CPAMD8: variants seen among roughly 807,000 people sequenced by gnomAD.
CPAMD8 encodes the protein C3 and PZP-like alpha-2-macroglobulin domain-containing protein 8.
CPAMD8 carries 146 observed loss-of-function variants against 224.7 expected under a neutral mutation model. The observed-to-expected ratio is 0.65, with a 90% CI of 0.57 to 0.75. CPAMD8 has a LOEUF of 0.75. CPAMD8 is among the 30% of genes least tolerant of loss of function. The probability of loss-of-function intolerance (pLI) is 0.00; values close to 1 mark genes in which losing one functional copy is unlikely to be tolerated. For synonymous variants in CPAMD8, 966 were observed against 1,044.6 expected (o/e 0.92, Z 1.45); for missense variants, 2,301 against 2,537.5 (o/e 0.91, Z 2.00).
intron 13 of CPAMD8, 42 bp downstream of exon 13, chr19:16,989,601 G>C (rs1430437746): frequency 1.9e-6 from 3 of 1,589,586 alleles, no homozygotes; most frequent in African/African-American, 1.4e-5. Context: ...CTGCTTTTTG[G>C]ATCCCGCATG....
intron 21 of CPAMD8, among the ~76,000 whole-genome samples, chr19:16,946,250 A>G (rs2054077363): frequency 6.7e-6 from 1 of 148,662 alleles, no homozygotes; most frequent in South Asian, 2.2e-4. Flanking sequence ...ATGCATGTCT[A>G]CACATGTGGG....
chr19:16,914,434 G>A lies in CPAMD8; in HGVS notation c.3851C>T (p.Thr1284Ile). 5 of 1,614,136 alleles carry A rather than the reference G, an allele frequency of 3.1e-6. No individual in the cohort carries two copies. Among genetic ancestry groups the A allele is most frequent in the Non-Finnish European group, 4.2e-6 (5 of 1,179,960 alleles). The change falls in exon 29 of 42, where the codon ACA becomes ATA. Residue 1284 changes from threonine (T) to isoleucine (I), a missense_variant. Transcript: ENST00000443236. ...YVVVALLETG[T>I]ASEEERGSTD... The stretch of plus-strand genomic sequence containing the variant: ...CCCTTCTGTACTCACCTCTGAGGCT[G>A]TGCCTGTTTCCAGGAGAGCAACCAC...
chr19:16,967,600 A>T (rs1411839048), intron 18 of CPAMD8, among the ~76,000 whole-genome samples: 6 of 151,850 alleles, frequency 4.0e-5, no homozygotes, highest in Admixed American at 3.9e-4. Context: ...AGGTCAGGAG[A>T]TGGAGACCAT....
In CPAMD8 at chr19:16,952,061, A is replaced by C. The variant is rs768357163; in HGVS notation, c.2416T>G (p.Phe806Val). Residue 806 changes from phenylalanine to valine, a missense_variant, in exon 20 of 42, where the codon TTC (phenylalanine) becomes GTC (valine). By Grantham distance (50) the Phe-to-Val change is conservative. This residue lies in a region of CPAMD8 where 1,709 missense variants were observed against 1,753.2 expected (regional missense o/e 0.97). Coordinates refer to ENST00000443236, the MANE Select transcript of CPAMD8 (RefSeq NM_015692.5). ...PSLLKTFKPF[F>V]VDFMLPALII... ...AGAGCGGGGAGCATGAAGTCCACGA[A>C]GAAGGGCTTGAAGGTCTTCAGCAGG... The C allele has an allele frequency of 1.3e-6, 2 of 1,573,738 alleles. No individual in the cohort carries two copies. Among genetic ancestry groups the C allele is most frequent in the Non-Finnish European group, 1.7e-6 (2 of 1,157,874 alleles).
Position 16,896,343 on chromosome 19 carries a change from C to T in CPAMD8, c.5276-17G>A. ...GCCGCTGCTCTGGAAGGAAGGGGGC[C>T]TCGGTCGGGAGGGCGTGGCGGGGAG... is the stretch of plus-strand genomic sequence containing the variant. On this transcript the variant is annotated splice_polypyrimidine_tract_variant and intron_variant, in intron 40 of 41. Coordinates refer to ENST00000443236, the MANE Select transcript of CPAMD8 (RefSeq NM_015692.5). The T allele has an allele frequency of 6.3e-7, 1 of 1,590,768 alleles. No individual in the cohort carries two copies. The highest frequency in any genetic ancestry group is 8.6e-7 in the Non-Finnish European group (1 of 1,168,120).
Position 16,921,919 on chromosome 19 carries a change from T to C in CPAMD8, c.3615A>G (p.Ala1205=), listed in dbSNP as rs527695793. 64 of 1,545,212 alleles carry C rather than the reference T, an allele frequency of 4.1e-5. No homozygotes were observed. The South Asian group carries it at 6.3e-4, about 15-fold the overall frequency. Residue 1205 remains alanine, a synonymous_variant, in exon 27 of 42, where the codon GCA becomes GCG. Transcript: ENST00000443236. ...TGGGGACTCACCACATGCTCCCCGA[T>C]GCGTCCCGCTCCCCAAACGCGCTGT... ...GSYSAFGERD[A]SGSMWLTAFV...
chr19:16,948,898 G>GA (rs1181022696), intron 20 of CPAMD8, among the ~76,000 whole-genome samples: 1 of 80,204 alleles, frequency 1.2e-5, no homozygotes, highest in African/African-American at 4.9e-5. Flanking sequence ...GAAGGGAAGG[G>GA]AAGGGAAGGG....
intron 29 of CPAMD8, 39 bp from the exon 30 acceptor site, chr19:16,907,156 C>A: frequency 6.7e-7 from 1 of 1,493,796 alleles, no homozygotes; most frequent in Admixed American, 2.4e-5. Flanking sequence ...TGGGAGGCTG[C>A]TCTGCCCCCA....
intron 11 of CPAMD8, among the ~76,000 whole-genome samples, chr19:16,994,575 A>T (rs2056066444): frequency 7.6e-6 from 1 of 131,984 alleles, no homozygotes; most frequent in Admixed American, 8.9e-5. Flanking sequence ...GGCTGGAGTG[A>T]AGTGGCCCGA....
At chr19:17,001,513 G>C (rs944757866) in intron 9 of CPAMD8, among the ~76,000 whole-genome samples, 1 of 151,802 alleles carries the variant, frequency 6.6e-6, no homozygotes, top group African/African-American at 2.4e-5. Context: ...CCCTTGGGGA[G>C]GGAAGAACTT....
At chr19:17,008,169 A>T (rs2056545134) in intron 7 of CPAMD8, among the ~76,000 whole-genome samples, 1 of 152,220 alleles carries the variant, frequency 6.6e-6, no homozygotes, top group African/African-American at 2.4e-5. Flanking sequence ...ACTCTGTCTC[A>T]AAAAATAAAA....
chr19:17,022,713 G>A (rs573870940), intron 1 of CPAMD8, among the ~76,000 whole-genome samples: 2 of 152,064 alleles, frequency 1.3e-5, no homozygotes, highest in African/African-American at 4.8e-5. Context: ...TGGCCAGGAT[G>A]ATCTCAAACT....
At position 16,993,448 on chromosome 19, in the gene CPAMD8, T is replaced by C; in HGVS notation, c.1234A>G (p.Ile412Val). 6.2e-7 allele frequency: 1 copy of C among 1,613,840 alleles called. No individual in the cohort carries two copies. The highest frequency in any genetic ancestry group is 8.5e-7 in the Non-Finnish European group (1 of 1,179,808). Residue 412 changes from isoleucine (I) to valine (V), a missense_variant, in exon 12 of 42, where the codon ATC (isoleucine) becomes GTC (valine). By Grantham distance (29) the Ile-to-Val change is conservative (BLOSUM62 3). This residue lies in a region of CPAMD8 where 301 missense variants were observed against 406.6 expected (regional missense o/e 0.74). Coordinates refer to ENST00000443236, the MANE Select transcript of CPAMD8 (RefSeq NM_015692.5). ...CACACGTGCTGGGCTGACGTGGGGA[T>C]GGAGGGGATTTCAAACCCCACTAGT... ...RGLVGFEIPS[I>V]PTSAQHVWLE...
In CPAMD8 at chr19:16,980,681, C is replaced by G. The variant is rs1568558563; in HGVS notation, c.1401G>C (p.Gly467=). 6.5e-7 allele frequency: 1 copy of G among 1,539,780 alleles called. No individual in the cohort carries two copies. The highest frequency in any genetic ancestry group is 2.0e-5 in the Admixed American group (1 of 49,876). ...LQPPSHPLQV[G]EEAYFSVKST... ...ACTTCACAGAAAAATAGGCTTCTTC[C>G]CCAACCTATGGAAGACACGCAGCAT... Residue 467 remains glycine (G), a synonymous_variant, in exon 14 of 42, where the codon GGG becomes GGC. Coordinates refer to ENST00000443236, the MANE Select transcript of CPAMD8 (RefSeq NM_015692.5).
rs185383575 is a variant in CPAMD8, at chr19:16,951,956, G to A, written c.2508+13C>T. 2 of 1,484,720 alleles carry A rather than the reference G, an allele frequency of 1.3e-6. No homozygotes were observed. The highest frequency in any genetic ancestry group is 1.8e-6 in the Non-Finnish European group (2 of 1,084,848). 92.0% of individuals were successfully genotyped at this position (1,484,720 alleles called of 1,614,324 possible). The stretch of plus-strand genomic sequence containing the variant: ...TGAATGGAGGAAGGCTATGTATTTG[G>A]GGGGCTGAGTACCTCAGCGCAGGTG... On this transcript the variant is annotated intron_variant, in intron 20 of 41. Coordinates refer to ENST00000443236, the MANE Select transcript of CPAMD8 (RefSeq NM_015692.5).
intron 39 of CPAMD8, 176 bp from the exon 40 acceptor site, chr19:16,896,841 G>A (rs1221531910): frequency 4.7e-6 from 2 of 427,156 alleles, no homozygotes. Context: ...ATTTCACGCA[G>A]GTATTTGCCT....
intron 20 of CPAMD8, among the ~76,000 whole-genome samples, chr19:16,949,855 C>T (rs1195954619): frequency 1.3e-5 from 2 of 152,194 alleles, no homozygotes; most frequent in Admixed American, 1.3e-4. Context: ...TGGGCTGTCC[C>T]GGCACCCGTA....
intron 22 of CPAMD8, among the ~76,000 whole-genome samples, chr19:16,943,011 C>CTTTTTT (rs770885168): frequency 1.3e-5 from 1 of 79,428 alleles, no homozygotes; most frequent in African/African-American, 7.6e-5. Flanking sequence ...TTTCTTTTTT[C>CTTTTTT]TTTTTTTTTT....
rs767127539 is a variant in CPAMD8 at position 17,011,799 on chromosome 19, G to A, written c.268-42C>T. 2.4e-5 allele frequency: 38 copies of A among 1,596,176 alleles called. 2 individuals are homozygous for A. In the South Asian group the frequency reaches 3.5e-4, roughly 15 times the overall value. On this transcript the variant is annotated intron_variant, in intron 3 of 41. Coordinates refer to ENST00000443236, the MANE Select transcript of CPAMD8 (RefSeq NM_015692.5). ...GAGCTTTGGGACAAGAATTCACCCT[G>A]GAATGGGCCAAGATACTGGGGAAGG...
Sources: allele counts gnomAD v4.1 joint callset (sites outside exome capture counted in the v4.1 genomes callset), GRCh38; gene constraint gnomAD v4.1.1; regional missense constraint gnomAD v4.1.1; transcripts MANE v1.5; gene names NCBI Gene and HGNC (gene_info 2026-07-23, HGNC 2026-07-21).